ABCA13: variants seen among roughly 807,000 people sequenced by gnomAD.
ABCA13 encodes ATP-binding cassette sub-family A member 13.
Under a neutral mutation model 478.7 loss-of-function variants are expected in ABCA13, and 476 were observed. That is an observed-to-expected ratio of 0.99 (90% CI 0.92 to 1.07). The LOEUF is 1.07. ABCA13 is among the 50% of genes least tolerant of loss of function. The probability of loss-of-function intolerance (pLI) is 0.00; values close to 1 mark genes in which losing one functional copy is unlikely to be tolerated. For missense variants in ABCA13, 6,060 were observed against 5,910.6 expected, an observed-to-expected ratio of 1.03 and a Z score of -0.83; for synonymous variants, 2,252 against 2,158.9, an observed-to-expected ratio of 1.04 and a Z score of -1.20.
chr7:48,392,178 C>G, intron 38 of ABCA13, 39 bp downstream of exon 38: 1 of 1,574,974 alleles, frequency 6.3e-7, no homozygotes, highest in South Asian at 1.1e-5. Flanking sequence ...CCTGCCTCTG[C>G]CCATTGTGTA....
chr7:48,474,799 T>C (rs1259571784), intron 45 of ABCA13, among the ~76,000 whole-genome samples: 3 of 152,224 alleles, frequency 2.0e-5, no homozygotes, highest in Non-Finnish European at 4.4e-5. Context: ...GATTTGATCA[T>C]TCTATTATAG....
intron 5 of ABCA13, 54 bp downstream of exon 5, chr7:48,221,363 G>A (rs1305692848): frequency 2.4e-6 from 2 of 833,202 alleles, no homozygotes; most frequent in Non-Finnish European, 3.7e-6. Flanking sequence ...GAATGGTTAA[G>A]TTTACAACAC....
intron 20 of ABCA13, among the ~76,000 whole-genome samples, chr7:48,288,908 C>T (rs1005384647): frequency 6.6e-6 from 1 of 152,178 alleles, no homozygotes. Context: ...CCTGATCCCC[C>T]TGACAAGCTT....
intron 33 of ABCA13, 57 bp downstream of exon 33, chr7:48,372,554 T>C: frequency 7.3e-7 from 1 of 1,360,570 alleles, no homozygotes; most frequent in Non-Finnish European, 9.9e-7. Flanking sequence ...GCAATCTATC[T>C]AACAAGACAA....
Position 48,268,850 on chromosome 7 carries a change from CTTTT to C in ABCA13, c.2006-110_2006-107del, listed in dbSNP as rs57201740. On this transcript the variant is annotated intron_variant, in intron 15 of 61. Coordinates refer to ENST00000435803, the MANE Select transcript of ABCA13 (RefSeq NM_152701.5). ...GTCAAATTAGAAGATTCCTACTCAT[CTTTT>C]TTTTTTTTTTTTTTTTTTTAACATT... 1,090 of 245,066 alleles carry C rather than the reference CTTTT, an allele frequency of 4.4e-3. 5 individuals carry two copies. Among genetic ancestry groups the C allele is most frequent in the African/African-American group, 0.015 (523 of 34,194 alleles). The allele number at this position is 245,066 out of a possible 1,614,324, so 15.2% of individuals were successfully genotyped here.
chr7:48,485,340 A>G (rs982831207), intron 47 of ABCA13, among the ~76,000 whole-genome samples: 1 of 151,880 alleles, frequency 6.6e-6, no homozygotes, highest in African/African-American at 2.4e-5. Flanking sequence ...TTAATTTCCT[A>G]TTTCATTATT....
At chr7:48,203,779 T>C (rs1784538438) in intron 3 of ABCA13, among the ~76,000 whole-genome samples, 2 of 152,206 alleles carry the variant, frequency 1.3e-5, no homozygotes, top group Admixed American at 6.5e-5. Flanking sequence ...CTGACAACCT[T>C]CGGGAGGCGG....
intron 10 of ABCA13, 69 bp from the exon 11 acceptor site, chr7:48,244,506 AT>A: frequency 1.3e-6 from 2 of 1,528,984 alleles, no homozygotes; most frequent in Admixed American, 3.9e-5. Context: ...TTTGAACGGA[AT>A]TTTTATTTCC....
chr7:48,443,117 A>G (rs1823852996), intron 42 of ABCA13, among the ~76,000 whole-genome samples: 1 of 152,190 alleles, frequency 6.6e-6, no homozygotes, highest in Non-Finnish European at 1.5e-5. Context: ...GCCGTCGGCA[A>G]ACCAAGGAGA....
chr7:48,182,126 A>G (rs1370979189), intron 1 of ABCA13, among the ~76,000 whole-genome samples: 8 of 152,262 alleles, frequency 5.3e-5, no homozygotes, highest in Non-Finnish European at 1.2e-4. Context: ...ACAACGTCCT[A>G]AGTCACTAGT....
chr7:48,205,098 CT>C (rs1189452644), intron 3 of ABCA13, among the ~76,000 whole-genome samples: 1 of 152,150 alleles, frequency 6.6e-6, no homozygotes, highest in Non-Finnish European at 1.5e-5. Context: ...GAATTATGTG[CT>C]TTTTGCTAGG....
intron 58 of ABCA13, among the ~76,000 whole-genome samples, chr7:48,601,695 G>A (rs1340516568): frequency 6.6e-6 from 1 of 152,150 alleles, no homozygotes; most frequent in Non-Finnish European, 1.5e-5. Flanking sequence ...GTGTGCATGT[G>A]TCATCATAGT....
chr7:48,412,629 A>G (rs2129098313), intron 41 of ABCA13, 46 bp downstream of exon 41: 1 of 1,475,282 alleles, frequency 6.8e-7, no homozygotes, highest in Non-Finnish European at 9.2e-7. Context: ...TGCCTTTTTG[A>G]CCAGTCCACA....
Position 48,297,248 on chromosome 7 carries a change from G to T in ABCA13, c.9136G>T (p.Glu3046Ter), listed in dbSNP as rs987050684. 3.7e-6 allele frequency: 6 copies of T among 1,606,594 alleles called. No homozygotes were observed. Among genetic ancestry groups the T allele is most frequent in the African/African-American group, 2.7e-5 (2 of 74,808 alleles). Residue 3046 changes from glutamate (E) to a stop codon, truncating the protein, a stop_gained, in exon 22 of 62, where the codon GAG (glutamate) becomes TAG (stop). Coordinates refer to ENST00000435803, the MANE Select transcript of ABCA13 (RefSeq NM_152701.5). LOFTEE classifies it high-confidence loss of function. Reference protein sequence around the residue: ...QHLYMLAKSLEETWSSGNPIM... With the variant: ...QHLYMLAKSL ...CCATTTTAGGTTGGCCAAAAGCCTC[G>T]AGGAAACTTGGTCATCAGGGAATCC...
At chr7:48,551,001 G>GA (rs1001658113) in intron 55 of ABCA13, among the ~76,000 whole-genome samples, 1 of 150,828 alleles carries the variant, frequency 6.6e-6, no homozygotes, top group African/African-American at 2.4e-5. Flanking sequence ...ACTTATTTAT[G>GA]AAAAAAATGG....
intron 4 of ABCA13, among the ~76,000 whole-genome samples, chr7:48,220,614 C>T (rs1039172356): frequency 3.9e-5 from 6 of 152,156 alleles, no homozygotes; most frequent in African/African-American, 1.4e-4. Flanking sequence ...TGGGGCAGGG[C>T]TGGCCATGGC....
chr7:48,324,209 C>G (rs141065287), intron 27 of ABCA13, among the ~76,000 whole-genome samples: 2 of 152,286 alleles, frequency 1.3e-5, no homozygotes, highest in East Asian at 3.9e-4. Context: ...AAGGTAATGG[C>G]AGGACTGGTT....
intron 5 of ABCA13, among the ~76,000 whole-genome samples, chr7:48,222,115 G>A (rs1445642094): frequency 6.6e-6 from 1 of 152,174 alleles, no homozygotes; most frequent in Non-Finnish European, 1.5e-5. Context: ...CTAATGGATT[G>A]GAATGAAGCA....
At position 48,232,139 on chromosome 7, in the gene ABCA13, A is replaced by ATTTTTTTTTTTTTTTTTTTTTTTTTTTT. The variant is rs71006559; in HGVS notation, c.764-1854_764-1853insTTTTTTTTTTTTTTTTTTTTTTTTTTTT. Among the ~76,000 whole-genome samples the ATTTTTTTTTTTTTTTTTTTTTTTTTTTT allele has an allele frequency of 2.3e-4, 12 of 51,310 alleles. 1 individual carries two copies. Among genetic ancestry groups the ATTTTTTTTTTTTTTTTTTTTTTTTTTTT allele is most frequent in the East Asian group, 1.1e-3 (2 of 1,844 alleles). The allele number at this position is 51,310 out of a possible 152,430, so 33.7% of individuals were successfully genotyped here. On this transcript the variant is annotated intron_variant, in intron 7 of 61. Transcript: ENST00000435803. The stretch of plus-strand genomic sequence containing the variant: ...CTCAGCACAGTGAGACCCACATGGA[A>ATTTTTTTTTTTTTTTTTTTTTTTTTTTT]TTTTTTTTTTTTTTTTTTTTTTTTT...
Sources: allele counts gnomAD v4.1 joint callset (sites outside exome capture counted in the v4.1 genomes callset), GRCh38; gene constraint gnomAD v4.1.1; transcripts MANE v1.5; gene names NCBI Gene and HGNC (gene_info 2026-07-23, HGNC 2026-07-21).